The following DIABLO variants were observed in gnomAD, a reference collection of about 807,000 sequenced individuals.
DIABLO encodes the protein diablo IAP-binding mitochondrial protein.
DIABLO carries 32 observed loss-of-function variants against 31.7 expected under a neutral mutation model. The ratio of observed to expected loss-of-function variants is 1.01; its 90% CI spans 0.76 to 1.35. DIABLO has a LOEUF of 1.35. Among genes scored for constraint, DIABLO ranks in the 40% most tolerant of loss-of-function variants. The probability of loss-of-function intolerance (pLI) is 0.00; values close to 1 mark genes in which losing one functional copy is unlikely to be tolerated. For synonymous variants in DIABLO, 132 were observed against 103.2 expected (o/e 1.28, Z -1.69); for missense variants, 316 against 286.4 (o/e 1.10, Z -0.75).
chr12:122,219,508 T>C (rs1046957050), intron 2 of DIABLO, among the ~76,000 whole-genome samples: 3 of 152,022 alleles, frequency 2.0e-5, no homozygotes, highest in Non-Finnish European at 2.9e-5. Flanking sequence ...CAGTTCTATG[T>C]TGAGTGCTAA....
intron 2 of DIABLO, among the ~76,000 whole-genome samples, chr12:122,219,599 G>A (rs1354026885): frequency 1.3e-5 from 2 of 152,140 alleles, no homozygotes; most frequent in African/African-American, 2.4e-5. Context: ...GCTAACGCCT[G>A]TAATCCCAAT....
At chr12:122,219,001 G>A (rs1451690038) in intron 2 of DIABLO, among the ~76,000 whole-genome samples, 4 of 148,228 alleles carry the variant, frequency 2.7e-5, no homozygotes, top group East Asian at 2.0e-4. Flanking sequence ...TTGGGAGGCT[G>A]AGGCAGGCAG....
At chr12:122,208,831 C>T (rs1256497042) in intron 5 of DIABLO, 1 of 595,540 alleles carries the variant, frequency 1.7e-6, no homozygotes, top group African/African-American at 1.8e-5. Flanking sequence ...ATGCAACTCT[C>T]ACAATCATCT....
Position 122,226,027 on chromosome 12 carries a change from G to T in DIABLO, c.-13C>A, listed in dbSNP as rs772290509. 1.7e-4 allele frequency: 277 copies of T among 1,601,034 alleles called. No homozygotes were observed. The highest frequency in any genetic ancestry group is 3.1e-4 in the South Asian group (28 of 89,548). On this transcript the variant is annotated 5_prime_UTR_variant, in exon 1 of 6. Transcript: ENST00000464942. ...TCAGAGCCGCCATTGTGCAGCGCGC[G>T]GACGCCAGACGCACACGCCGGAAGT...
Position 122,218,261 on chromosome 12 carries a change from C to CAT in DIABLO, c.315+3_315+4dup. 1.9e-6 allele frequency: 3 copies of CAT among 1,614,106 alleles called. No homozygotes were observed. Among genetic ancestry groups the CAT allele is most frequent in the Non-Finnish European group, 2.5e-6 (3 of 1,179,978 alleles). On this transcript the variant is annotated splice_donor_region_variant and intron_variant, in intron 3 of 5. Transcript: ENST00000464942. ...TAGAAGATCAAGAGTTAAGAGGAGA[C>CAT]ATACCTTAGTATATTCAGTAATAGC...
intron 5 of DIABLO, chr12:122,209,669 A>G (rs571093393): frequency 1.5e-6 from 1 of 651,276 alleles, no homozygotes; most frequent in East Asian, 2.8e-5. Context: ...CTCCCCCCCA[A>G]AAAAAAAAAT....
chr12:122,210,194 G>A (rs568516158), intron 5 of DIABLO, among the ~76,000 whole-genome samples: 11 of 152,182 alleles, frequency 7.2e-5, no homozygotes, highest in Admixed American at 2.0e-4. Context: ...TGGGATCGGG[G>A]CTATGCTGGC....
chr12:122,221,953 G>A (rs1954342976), intron 2 of DIABLO: 1 of 152,200 alleles, frequency 6.6e-6, no homozygotes, highest in African/African-American at 2.4e-5. Context: ...CAACTGAAGT[G>A]AGGCACAGTA....
chr12:122,227,415 C>T (rs1196264246), upstream of DIABLO: 1 of 454,040 alleles, frequency 2.2e-6, no homozygotes, highest in Non-Finnish European at 4.4e-6. Flanking sequence ...TGCTCTGGTG[C>T]CCAAAGGTAG....
chr12:122,219,979 T>TATCA (rs1954300163), intron 2 of DIABLO, among the ~76,000 whole-genome samples: 1 of 149,908 alleles, frequency 6.7e-6, no homozygotes, highest in African/African-American at 2.5e-5. Flanking sequence ...AGTCTCACTC[T>TATCA]ATCACCCAGG....
chr12:122,221,343 G>A (rs1452357100), intron 2 of DIABLO: 1 of 152,120 alleles, frequency 6.6e-6, no homozygotes, highest in Non-Finnish European at 1.5e-5. Context: ...GGAGCTAAGA[G>A]AAATGAGACT....
At chr12:122,211,077 T>TAA (rs1156571584) in intron 5 of DIABLO, among the ~76,000 whole-genome samples, 2,202 of 14,320 alleles carry the variant, frequency 0.15, 869 homozygotes, top group Non-Finnish European at 0.23. Context: ...TAGTTAAAAG[T>TAA]AAAAAAAAAA....
upstream of DIABLO, chr12:122,226,188 T>C (rs1033327390): frequency 7.7e-6 from 8 of 1,043,066 alleles, no homozygotes; most frequent in African/African-American, 9.5e-5. Flanking sequence ...GGGCAAAGGC[T>C]GTAACGGCCG....
upstream of DIABLO, chr12:122,226,609 G>A (rs1954485863): frequency 1.5e-6 from 1 of 681,830 alleles, no homozygotes; most frequent in Non-Finnish European, 2.7e-6. Flanking sequence ...CTGCCGGGCT[G>A]GCGCCGTCCC....
At chr12:122,225,227 GA>G (rs143195410) in intron 1 of DIABLO, 9,032 of 179,610 alleles carry the variant, frequency 0.05, 485 homozygotes, top group African/African-American at 0.17. Flanking sequence ...AAAACAAAAA[GA>G]AAAAAAAAAA....
intron 3 of DIABLO, chr12:122,217,140 G>T (rs1954232814): frequency 4.9e-6 from 2 of 405,770 alleles, no homozygotes. Context: ...AGGTTGAGGG[G>T]AAAAAAGCTG....
intron 3 of DIABLO, chr12:122,217,572 T>A (rs1159368141): frequency 1.9e-5 from 3 of 154,940 alleles, no homozygotes; most frequent in Non-Finnish European, 4.3e-5. Flanking sequence ...GGAAGTGCAC[T>A]GGCATGTTCA....
upstream of DIABLO, chr12:122,226,363 A>AGGGAGGCGGGGCCGGGC (rs546228931): frequency 0.017 from 5,373 of 314,958 alleles, 145 homozygotes; most frequent in African/African-American, 0.074. Flanking sequence ...CTGGTGAGTT[A>AGGGAGGCGGGGCCGGGC]GGGAGGCGGG....
At chr12:122,226,420 G>A (rs1315786346), upstream of DIABLO, 1 of 692,222 alleles carries the variant, frequency 1.4e-6, no homozygotes, top group Non-Finnish European at 2.6e-6. Flanking sequence ...CGGGCGCGGC[G>A]ACGGCGCTGT....
Sources: gnomAD v4.1 joint callset for allele counts (sites outside exome capture counted in the v4.1 genomes callset) on GRCh38, gnomAD v4.1.1 for gene constraint, MANE v1.5 for transcripts, NCBI Gene and HGNC (gene_info 2026-07-23, HGNC 2026-07-21) for gene names.